Variants in DLGAP1 observed in about 807,000 individuals in gnomAD.
DLGAP1 encodes the protein DLG associated protein 1.
DLGAP1 carries 11 observed loss-of-function variants against 90.8 expected under a neutral mutation model. That is an observed-to-expected ratio of 0.12 (90% CI 0.08 to 0.20). DLGAP1 has a LOEUF of 0.20. Ranked by LOEUF, DLGAP1 falls within the 10% of genes least tolerant of loss-of-function variation. The pLI is 1.00. For synonymous variants in DLGAP1, 558 were observed against 540.7 expected (o/e 1.03, Z -0.44); for missense variants, 1,050 against 1,333.8 (o/e 0.79, Z 3.31).
chr18:4,208,575 A>G (rs1031480046), intron 1 of DLGAP1, among the ~76,000 whole-genome samples: 9 of 152,212 alleles, frequency 5.9e-5, no homozygotes, highest in Admixed American at 5.2e-4. Flanking sequence ...GAGAGTGGGA[A>G]GATGCTGACT....
chr18:3,710,054 T>C (rs1402900405), intron 7 of DLGAP1, among the ~76,000 whole-genome samples: 1 of 152,210 alleles, frequency 6.6e-6, no homozygotes, highest in Non-Finnish European at 1.5e-5. Context: ...CTATTTTCTG[T>C]AGTGGAGGAA....
chr18:3,569,076 C>T (rs546958321), intron 8 of DLGAP1, among the ~76,000 whole-genome samples: 12 of 151,714 alleles, frequency 7.9e-5, no homozygotes, highest in South Asian at 2.1e-4. Flanking sequence ...AATCTCAGCT[C>T]CTGCAACCTC....
At chr18:3,669,242 G>C (rs2059993337) in intron 7 of DLGAP1, among the ~76,000 whole-genome samples, 1 of 152,022 alleles carries the variant, frequency 6.6e-6, no homozygotes, top group Non-Finnish European at 1.5e-5. Flanking sequence ...AGGAGTGCTG[G>C]GAAGGGAAGA....
chr18:3,559,137 CAA>C (rs2053927581), intron 9 of DLGAP1, among the ~76,000 whole-genome samples: 1 of 152,164 alleles, frequency 6.6e-6, no homozygotes, highest in African/African-American at 2.4e-5. Flanking sequence ...ACATTGTCCT[CAA>C]AGAGTTGTGG....
chr18:3,856,488 T>C (rs929660690), intron 4 of DLGAP1, among the ~76,000 whole-genome samples: 5 of 152,116 alleles, frequency 3.3e-5, no homozygotes, highest in African/African-American at 1.2e-4. Flanking sequence ...TCAACAGAAA[T>C]AGCTAATAGG....
At chr18:3,557,517 G>A (rs149452896) in intron 9 of DLGAP1, among the ~76,000 whole-genome samples, 204 of 151,762 alleles carry the variant, frequency 1.3e-3, no homozygotes, top group African/African-American at 4.7e-3. Context: ...GTGAGATTTC[G>A]TCTCAAAAGA....
chr18:3,891,107 A>G lies in DLGAP1; in HGVS notation c.-72-10967T>C, dbSNP rs576214258. Among the ~76,000 whole-genome samples the G allele has an allele frequency of 8.5e-5, 13 of 152,334 alleles. 1 individual carries two copies. In the South Asian group the frequency reaches 2.1e-3, roughly 24 times the overall value. On this transcript the variant is annotated intron_variant, in intron 3 of 12. Transcript: ENST00000315677. ...CATTACACCTTCAACTTCCTGTCTC[A>G]TAAGTTTTCTTGTTCTCTTGCTCCC...
chr18:3,803,727 C>T (rs2066422555), intron 5 of DLGAP1, among the ~76,000 whole-genome samples: 1 of 152,172 alleles, frequency 6.6e-6, no homozygotes, highest in Non-Finnish European at 1.5e-5. Context: ...GACCCAGGCT[C>T]TGCCTCGTGA....
intron 3 of DLGAP1, among the ~76,000 whole-genome samples, chr18:3,968,921 G>C (rs540384179): frequency 3.3e-5 from 5 of 151,946 alleles, no homozygotes; most frequent in Non-Finnish European, 5.9e-5. Flanking sequence ...CAAAACTATT[G>C]ATTTCTTTTG....
chr18:3,819,415 A>G (rs777754831), intron 4 of DLGAP1, among the ~76,000 whole-genome samples: 18 of 152,232 alleles, frequency 1.2e-4, no homozygotes, highest in Non-Finnish European at 2.6e-4. Flanking sequence ...TAAAACGTGT[A>G]AACTATGGCT....
rs1419056215 is a variant in DLGAP1 at position 4,257,453 on chromosome 18, G to A, written c.-266-106166C>T. Among the ~76,000 whole-genome samples the A allele has an allele frequency of 2.6e-5, 4 of 152,000 alleles. 1 individual carries two copies. The highest frequency in any genetic ancestry group is 5.9e-5 in the Non-Finnish European group (4 of 67,968). ...TATCTGGCTAAATAGGGTTAAATAA[G>A]GAAATTGTTAAAATATTTAGATTGT... is the stretch of plus-strand genomic sequence containing the variant. On this transcript the variant is annotated intron_variant, in intron 1 of 12. Coordinates refer to ENST00000315677, the MANE Select transcript of DLGAP1 (RefSeq NM_004746.4).
intron 2 of DLGAP1, among the ~76,000 whole-genome samples, chr18:4,014,751 T>A (rs1465969480): frequency 6.6e-6 from 1 of 152,198 alleles, no homozygotes; most frequent in Non-Finnish European, 1.5e-5. Context: ...AATATTAGAC[T>A]AGAGCCATTC....
At chr18:4,025,058 G>A (rs1415977652) in intron 2 of DLGAP1, among the ~76,000 whole-genome samples, 1 of 152,170 alleles carries the variant, frequency 6.6e-6, no homozygotes, top group Non-Finnish European at 1.5e-5. Flanking sequence ...TACTTCTTGT[G>A]CACTTATAAA....
intron 7 of DLGAP1, among the ~76,000 whole-genome samples, chr18:3,691,717 G>A (rs1245011144): frequency 3.9e-5 from 6 of 152,124 alleles, no homozygotes; most frequent in Non-Finnish European, 8.8e-5. Flanking sequence ...CTCAAGAACA[G>A]CCTGGGCAAC....
chr18:4,165,810 A>G (rs1346168519), intron 1 of DLGAP1, among the ~76,000 whole-genome samples: 1 of 152,190 alleles, frequency 6.6e-6, no homozygotes, highest in African/African-American at 2.4e-5. Context: ...AAACCATTAT[A>G]GAGAAAATAT....
chr18:4,365,406 G>C (rs953689684), intron 1 of DLGAP1, among the ~76,000 whole-genome samples: 13 of 152,072 alleles, frequency 8.5e-5, no homozygotes, highest in Non-Finnish European at 1.9e-4. Context: ...GGCTTGGGGT[G>C]GGGAGGAAGA....
At chr18:3,874,381 A>C (rs1421938833) in intron 4 of DLGAP1, 3 of 1,471,144 alleles carry the variant, frequency 2.0e-6, no homozygotes, top group Non-Finnish European at 2.7e-6. Context: ...TGAATGCAAA[A>C]TACACTGTTT....
chr18:4,144,629 A>C (rs890922064), intron 2 of DLGAP1, among the ~76,000 whole-genome samples: 3 of 152,260 alleles, frequency 2.0e-5, no homozygotes, highest in South Asian at 4.1e-4. Flanking sequence ...ATAGTCGCTT[A>C]ATGTGGTGAT....
intron 3 of DLGAP1, among the ~76,000 whole-genome samples, chr18:3,973,782 A>C (rs2073507699): frequency 6.6e-6 from 1 of 152,352 alleles, no homozygotes. Context: ...CTGAGGGTTC[A>C]CAAGGAAAAC....
Sources: gnomAD v4.1 joint callset for allele counts (sites outside exome capture counted in the v4.1 genomes callset) on GRCh38, gnomAD v4.1.1 for gene constraint, MANE v1.5 for transcripts, NCBI Gene and HGNC (gene_info 2026-07-23, HGNC 2026-07-21) for gene names.